The following STIM2 variants were observed in gnomAD, a reference collection of about 807,000 sequenced individuals.
The protein encoded by STIM2 is stromal interaction molecule 2.
Under a neutral mutation model 85.8 loss-of-function variants are expected in STIM2, and 31 were observed. The observed-to-expected ratio is 0.36, with a 90% CI of 0.27 to 0.49. The LOEUF is 0.49. Ranked by LOEUF, STIM2 falls within the 20% of genes least tolerant of loss-of-function variation. The pLI is 0.98. For missense variants in STIM2, 841 were observed against 927.6 expected (o/e 0.91, Z 1.21); for synonymous variants, 356 against 331.1 (o/e 1.08, Z -0.82).
chr4:26,980,607 C>G lies in STIM2; in HGVS notation c.398-14772C>G, dbSNP rs192757156. Among the ~76,000 whole-genome samples the G allele has an allele frequency of 3.3e-3, 499 of 152,082 alleles. 7 individuals are homozygous for G. Among genetic ancestry groups the G allele is most frequent in the Admixed American group, 0.017 (260 of 15,272 alleles). The stretch of plus-strand genomic sequence containing the variant: ...TTAGAAAAAGAAAAATAATCTGAAA[C>G]AGGTTGAGGGAAGATTGTTGTAAAT... On this transcript the variant is annotated intron_variant, in intron 3 of 11. Coordinates refer to ENST00000467087, the MANE Select transcript of STIM2 (RefSeq NM_020860.4).
At chr4:26,913,616 G>A (rs1233310534) in intron 1 of STIM2, among the ~76,000 whole-genome samples, 1 of 152,178 alleles carries the variant, frequency 6.6e-6, no homozygotes, top group African/African-American at 2.4e-5. Flanking sequence ...TAAAAGGTGA[G>A]TTTTGTTAAT....
chr4:26,923,026 T>G (rs1724861864), intron 2 of STIM2, among the ~76,000 whole-genome samples: 1 of 151,730 alleles, frequency 6.6e-6, no homozygotes, highest in Non-Finnish European at 1.5e-5. Flanking sequence ...CAGCTGGAGA[T>G]CTGAGAACGG....
At chr4:26,896,766 C>T (rs764278348) in intron 1 of STIM2, among the ~76,000 whole-genome samples, 9 of 152,134 alleles carry the variant, frequency 5.9e-5, no homozygotes, top group Non-Finnish European at 1.0e-4. Context: ...ATTGGTATTT[C>T]TTTGTGTATA....
intron 3 of STIM2, among the ~76,000 whole-genome samples, chr4:26,976,243 G>A (rs1051174697): frequency 3.3e-5 from 5 of 152,064 alleles, no homozygotes; most frequent in Non-Finnish European, 5.9e-5. Context: ...CTCGCCCTCC[G>A]TTGGCTGCAC....
At chr4:26,921,861 C>G (rs1042119791) in intron 2 of STIM2, among the ~76,000 whole-genome samples, 1 of 152,166 alleles carries the variant, frequency 6.6e-6, no homozygotes, top group Non-Finnish European at 1.5e-5. Flanking sequence ...TATAATATCT[C>G]TGCATCAGTT....
rs573808864 is a variant in STIM2 at position 26,933,310 on chromosome 4, GTTA to G, written c.282+13681_282+13683del. The stretch of plus-strand genomic sequence containing the variant: ...GGGAAGTTGGAAAGTTAACAGAAAA[GTTA>G]TTATATGTTGAAGAAAATTATGGAT... On this transcript the variant is annotated intron_variant, in intron 2 of 11. Coordinates refer to ENST00000467087, the MANE Select transcript of STIM2 (RefSeq NM_020860.4). Among the ~76,000 whole-genome samples, 24 of 152,200 alleles carry G rather than the reference GTTA, an allele frequency of 1.6e-4. No homozygotes were observed. The East Asian group carries it at 2.9e-3, about 18-fold the overall frequency.
chr4:26,894,122 C>CAA (rs1480662549), intron 1 of STIM2, among the ~76,000 whole-genome samples: 1 of 152,138 alleles, frequency 6.6e-6, no homozygotes, highest in Non-Finnish European at 1.5e-5. Context: ...CTCCTGACTT[C>CAA]GTGATCCACC....
intron 10 of STIM2, among the ~76,000 whole-genome samples, chr4:27,010,803 G>T (rs1196572609): frequency 6.6e-6 from 1 of 152,168 alleles, no homozygotes; most frequent in Non-Finnish European, 1.5e-5. Context: ...TATTGTCTAT[G>T]TGTAATTATA....
chr4:26,973,199 A>G (rs1452356234), intron 3 of STIM2, among the ~76,000 whole-genome samples: 1 of 151,902 alleles, frequency 6.6e-6, no homozygotes, highest in Non-Finnish European at 1.5e-5. Context: ...CCGCTCCTGG[A>G]TTGATTGATT....
intron 2 of STIM2, among the ~76,000 whole-genome samples, chr4:26,939,087 G>C (rs185190740): frequency 2.0e-5 from 3 of 152,220 alleles, no homozygotes; most frequent in Admixed American, 2.0e-4. Flanking sequence ...CTCATACCCT[G>C]CTTGTTCCCT....
intron 4 of STIM2, 25 bp downstream of exon 4, chr4:26,995,515 T>G: frequency 2.0e-6 from 3 of 1,471,872 alleles, no homozygotes; most frequent in Non-Finnish European, 2.8e-6. Context: ...TGCAAATGTA[T>G]TTTCCACTCA....
In STIM2 at chr4:26,919,580, T is replaced by C; in HGVS notation, c.228T>C (p.His76=). ...GTCTGGAAGCTCTTCAAACAATACA[T>C]AAACAAATGGATGATGACAAAGATG... The change falls in exon 2 of 12, where the codon CAT becomes CAC. Residue 76 remains histidine, a synonymous_variant. Coordinates refer to ENST00000467087, the MANE Select transcript of STIM2 (RefSeq NM_020860.4). 1 of 1,613,630 alleles carries C rather than the reference T, an allele frequency of 6.2e-7. No homozygotes were observed. The highest frequency in any genetic ancestry group is 8.5e-7 in the Non-Finnish European group (1 of 1,179,716).
intron 1 of STIM2, among the ~76,000 whole-genome samples, chr4:26,914,657 C>G (rs577182725): frequency 1.3e-5 from 2 of 152,116 alleles, no homozygotes; most frequent in African/African-American, 4.8e-5. Flanking sequence ...ATACTTAAAC[C>G]ATTCAACAAA....
At chr4:26,990,981 G>A (rs570424053) in intron 3 of STIM2, among the ~76,000 whole-genome samples, 1 of 152,196 alleles carries the variant, frequency 6.6e-6, no homozygotes, top group South Asian at 2.1e-4. Flanking sequence ...TACTATTTGT[G>A]GGAATGTAAA....
chr4:26,934,913 CAAAAAAAAAAA>C (rs1160656482), intron 2 of STIM2, among the ~76,000 whole-genome samples: 1 of 57,606 alleles, frequency 1.7e-5, no homozygotes, highest in Non-Finnish European at 3.5e-5. Context: ...AACTCCATCT[CAAAAAAAAAAA>C]AAAAAAAAAA....
intron 10 of STIM2, among the ~76,000 whole-genome samples, chr4:27,015,863 A>G (rs1301093538): frequency 6.6e-6 from 1 of 151,650 alleles, no homozygotes; most frequent in East Asian, 1.9e-4. Context: ...GTTCTGAAAA[A>G]AAAACACTAG....
At chr4:26,990,300 C>T (rs1367298961) in intron 3 of STIM2, among the ~76,000 whole-genome samples, 1 of 152,064 alleles carries the variant, frequency 6.6e-6, no homozygotes, top group Non-Finnish European at 1.5e-5. Context: ...GAAATAAATC[C>T]ATACACTTTT....
chr4:26,949,637 G>A (rs1454894782), intron 2 of STIM2, among the ~76,000 whole-genome samples: 1 of 152,138 alleles, frequency 6.6e-6, no homozygotes, highest in Non-Finnish European at 1.5e-5. Flanking sequence ...TTTTAGGTCT[G>A]CTTCCTGTGT....
intron 3 of STIM2, among the ~76,000 whole-genome samples, chr4:26,981,472 T>G (rs1560228828): frequency 6.6e-6 from 1 of 152,336 alleles, no homozygotes; most frequent in East Asian, 1.9e-4. Context: ...TTTTAATTTC[T>G]TAATTGAAAG....
Sources: allele counts gnomAD v4.1 joint callset (sites outside exome capture counted in the v4.1 genomes callset), GRCh38; gene constraint gnomAD v4.1.1; transcripts MANE v1.5; gene names NCBI Gene and HGNC (gene_info 2026-07-23, HGNC 2026-07-21).